LURAP1L: variants seen among roughly 807,000 people sequenced by gnomAD.
LURAP1L encodes leucine rich adaptor protein 1 like.
A neutral mutation model predicts 13.8 loss-of-function variants in LURAP1L; 12 were observed. The observed-to-expected ratio is 0.87, with a 90% CI of 0.56 to 1.41. The LOEUF (loss-of-function observed/expected upper bound fraction) is 1.41. LURAP1L is among the 40% of genes most tolerant of loss of function. The pLI is 0.00. For missense variants in LURAP1L, 375 were observed against 292.9 expected, an observed-to-expected ratio of 1.28 and a Z score of -2.04; for synonymous variants, 139 against 119.2, an observed-to-expected ratio of 1.17 and a Z score of -1.08.
At chr9:12,776,903 T>A (rs760510116) in intron 1 of LURAP1L, among the ~76,000 whole-genome samples, 2 of 152,138 alleles carry the variant, frequency 1.3e-5, no homozygotes, top group Non-Finnish European at 2.9e-5. Flanking sequence ...TTCACTTCTG[T>A]AGACCTCTGT....
intron 1 of LURAP1L, among the ~76,000 whole-genome samples, chr9:12,806,980 C>T (rs1236780102): frequency 7.4e-6 from 1 of 134,468 alleles, no homozygotes; most frequent in Non-Finnish European, 1.5e-5. Context: ...ACCATCGCGC[C>T]ACTGCACTCC....
intron 1 of LURAP1L, among the ~76,000 whole-genome samples, chr9:12,814,052 T>C (rs1390363856): frequency 3.3e-5 from 5 of 152,228 alleles, no homozygotes; most frequent in Non-Finnish European, 5.9e-5. Flanking sequence ...ACATCTTCTA[T>C]ATCAGCACAA....
chr9:12,783,756 A>T (rs1185406448), intron 1 of LURAP1L, among the ~76,000 whole-genome samples: 2 of 151,238 alleles, frequency 1.3e-5, no homozygotes, highest in Non-Finnish European at 2.9e-5. Flanking sequence ...TGTTTTTTGG[A>T]ATAGTTTGGG....
intron 1 of LURAP1L, among the ~76,000 whole-genome samples, chr9:12,790,014 G>C (rs1302387809): frequency 1.3e-5 from 2 of 152,156 alleles, no homozygotes; most frequent in South Asian, 2.1e-4. Context: ...TTATCACTTA[G>C]ATTGGTGATT....
Position 12,776,146 on chromosome 9 carries a change from G to A in LURAP1L, c.312+119G>A. ...GGCTGCAGAGCGGAGCGCTGGGCGC[G>A]TGGGAAATGCTGGGTGGAGGAATGA... On this transcript the variant is annotated intron_variant, in intron 1 of 1. Transcript: ENST00000319264. 5.7e-6 allele frequency: 6 copies of A among 1,051,732 alleles called. No individual in the cohort carries two copies. The South Asian group carries it at 5.8e-5, about 10-fold the overall frequency. The allele number at this position is 1,051,732 out of a possible 1,614,324, so 65.1% of individuals were successfully genotyped here. A position where few individuals can be genotyped will look rare whatever the true frequency, so the allele number is the denominator to read the frequency against.
chr9:12,805,661 G>T (rs897523232), intron 1 of LURAP1L, among the ~76,000 whole-genome samples: 1 of 152,084 alleles, frequency 6.6e-6, no homozygotes, highest in Admixed American at 6.5e-5. Context: ...TCCTAATATA[G>T]GTTACCAAGT....
intron 1 of LURAP1L, among the ~76,000 whole-genome samples, chr9:12,811,656 A>G (rs1819737843): frequency 6.6e-6 from 1 of 152,226 alleles, no homozygotes. Flanking sequence ...CTATCAACAA[A>G]ATTATCCACA....
At chr9:12,804,377 CTG>C (rs1819627550) in intron 1 of LURAP1L, among the ~76,000 whole-genome samples, 1 of 146,920 alleles carries the variant, frequency 6.8e-6, no homozygotes, top group Admixed American at 6.8e-5. Context: ...CAAAGTCTCG[CTG>C]TGTCAGCCAG....
At position 12,821,048 on chromosome 9, in the gene LURAP1L, C is replaced by G. The variant is rs139089294; in HGVS notation, c.313-338C>G. On this transcript the variant is annotated intron_variant, in intron 1 of 1. Coordinates refer to ENST00000319264, the MANE Select transcript of LURAP1L (RefSeq NM_203403.2). ...ACCCACGTATATACGCCAACGTAAA[C>G]ATTAATAAACTTAATCTGGCCAAAG... is the stretch of plus-strand genomic sequence containing the variant. 6.5e-3 allele frequency among the ~76,000 whole-genome samples: 985 copies of G among 152,230 alleles called. 8 individuals carry two copies. The highest frequency in any genetic ancestry group is 9.8e-3 in the Non-Finnish European group (669 of 68,018).
chr9:12,821,486 T>C lies in LURAP1L; in HGVS notation c.413T>C (p.Ile138Thr). ...TGGATGATCGAAGAAAAAGCCACCATTACCAGCAGAGGCAGCAGCCTCAGT... is the reference window on the plus strand; with the variant it reads ...TGGATGATCGAAGAAAAAGCCACCACTACCAGCAGAGGCAGCAGCCTCAGT... Reference protein sequence around the residue: ...IKWMIEEKATITSRGSSLSGS... With the variant: ...IKWMIEEKATTTSRGSSLSGS... The change falls in exon 2 of 2, where the codon ATT becomes ACT. Residue 138 changes from isoleucine (I) to threonine (T), a missense_variant. Transcript: ENST00000319264. 6.2e-7 allele frequency: 1 copy of C among 1,614,166 alleles called. No individual in the cohort carries two copies.
chr9:12,815,350 T>A (rs78542304), intron 1 of LURAP1L, among the ~76,000 whole-genome samples: 4,800 of 152,256 alleles, frequency 0.032, 103 homozygotes, highest in Non-Finnish European at 0.034. Context: ...TATAGACTTT[T>A]AAAAATATAT....
In LURAP1L at chr9:12,776,040, C is replaced by T. The variant is rs1180859300; in HGVS notation, c.312+13C>T. ...CAGGCAAGAGATGGTGAGTGTGGTGCGCCAGCCGCGGGGGCTGGGACCTGG... is the reference window on the plus strand; with the variant it reads ...CAGGCAAGAGATGGTGAGTGTGGTGTGCCAGCCGCGGGGGCTGGGACCTGG... On this transcript the variant is annotated intron_variant, in intron 1 of 1. Coordinates refer to ENST00000319264, the MANE Select transcript of LURAP1L (RefSeq NM_203403.2). The T allele has an allele frequency of 6.2e-7, 1 of 1,612,230 alleles. No individual in the cohort carries two copies. The highest frequency in any genetic ancestry group is 1.3e-5 in the African/African-American group (1 of 74,978).
chr9:12,816,887 C>T (rs551267609), intron 1 of LURAP1L, among the ~76,000 whole-genome samples: 40 of 152,236 alleles, frequency 2.6e-4, no homozygotes, highest in African/African-American at 9.6e-4. Context: ...GACCTTTGGA[C>T]CGATCAGTCT....
intron 1 of LURAP1L, among the ~76,000 whole-genome samples, chr9:12,801,153 G>A (rs949261391): frequency 6.6e-6 from 1 of 152,036 alleles, no homozygotes; most frequent in Non-Finnish European, 1.5e-5. Flanking sequence ...AGTTGTATAA[G>A]CAGAGAATGT....
At chr9:12,816,307 A>G (rs1819804336) in intron 1 of LURAP1L, among the ~76,000 whole-genome samples, 1 of 152,200 alleles carries the variant, frequency 6.6e-6, no homozygotes, top group African/African-American at 2.4e-5. Flanking sequence ...CTTTGTTCAC[A>G]GAACTACTTT....
At chr9:12,777,027 G>C (rs112988573) in intron 1 of LURAP1L, among the ~76,000 whole-genome samples, 2 of 151,918 alleles carry the variant, frequency 1.3e-5, no homozygotes, top group Admixed American at 6.6e-5. Context: ...TGCAACAGTG[G>C]GCCTCAAAAA....
Position 12,775,492 on chromosome 9 carries a change from G to C in LURAP1L, c.-224G>C, listed in dbSNP as rs556274085. ...AGATCTTGATCATCTTAGTGTCGGA[G>C]GAGTCGCAGCGGACTGGGAACTGCA... On this transcript the variant is annotated 5_prime_UTR_variant, in exon 1 of 2. Coordinates refer to ENST00000319264, the MANE Select transcript of LURAP1L (RefSeq NM_203403.2). 3.6e-6 allele frequency: 2 copies of C among 556,202 alleles called. No individual in the cohort carries two copies. The highest frequency in any genetic ancestry group is 7.8e-5 in the Admixed American group (2 of 25,670). 34.5% of individuals were successfully genotyped at this position (556,202 alleles called of 1,614,324 possible).
chr9:12,799,496 G>C (rs1396689433), intron 1 of LURAP1L, among the ~76,000 whole-genome samples: 3 of 152,102 alleles, frequency 2.0e-5, no homozygotes, highest in Non-Finnish European at 1.5e-5. Flanking sequence ...TTGAACAAGA[G>C]AACAACCAGA....
chr9:12,782,623 C>G (rs907621438), intron 1 of LURAP1L, among the ~76,000 whole-genome samples: 1 of 152,142 alleles, frequency 6.6e-6, no homozygotes, highest in Non-Finnish European at 1.5e-5. Flanking sequence ...CAGTATCATG[C>G]TGTTTTGGTT....
Sources: allele counts gnomAD v4.1 joint callset (sites outside exome capture counted in the v4.1 genomes callset), GRCh38; gene constraint gnomAD v4.1.1; transcripts MANE v1.5; gene names NCBI Gene and HGNC (gene_info 2026-07-23, HGNC 2026-07-21).